The following INVS variants were observed in gnomAD, a reference collection of about 807,000 sequenced individuals.
The protein encoded by INVS is inversion of embryo turning homolog.
Under a neutral mutation model 108.8 loss-of-function variants are expected in INVS, and 86 were observed. The ratio of observed to expected loss-of-function variants is 0.79; its 90% CI spans 0.66 to 0.95. The LOEUF (loss-of-function observed/expected upper bound fraction) is 0.95, where lower values mean the gene tolerates loss of function less well. Ranked by LOEUF, INVS falls within the 40% of genes least tolerant of loss-of-function variation. INVS has a pLI of 0.00. For missense variants in INVS, 1,169 were observed against 1,297.4 expected (o/e 0.90, Z 1.52); for synonymous variants, 455 against 473.5 (o/e 0.96, Z 0.51).
chr9:100,126,807 A>T (rs1446986669), intron 3 of INVS, among the ~76,000 whole-genome samples: 3 of 152,212 alleles, frequency 2.0e-5, no homozygotes, highest in Non-Finnish European at 4.4e-5. Flanking sequence ...GATCAAATTT[A>T]TATATACAAT....
At chr9:100,219,912 T>C (rs572616241) in intron 3 of INVS, among the ~76,000 whole-genome samples, 1 of 151,750 alleles carries the variant, frequency 6.6e-6, no homozygotes, top group South Asian at 2.1e-4. Flanking sequence ...TTGTATGAAA[T>C]AGAAGCATAA....
chr9:100,253,646 T>C (rs187497284), intron 10 of INVS, among the ~76,000 whole-genome samples: 396 of 152,226 alleles, frequency 2.6e-3, no homozygotes, highest in African/African-American at 9.1e-3. Context: ...TTCTCACCTA[T>C]GAGTGAGAAC....
intron 9 of INVS, 26 bp from the exon 10 acceptor site, chr9:100,252,881 T>C: frequency 2.7e-6 from 4 of 1,504,098 alleles, no homozygotes; most frequent in African/African-American, 1.4e-5. Flanking sequence ...ATATTAGACA[T>C]TCTCATTATA....
chr9:100,238,301 C>T (rs1425445961), intron 5 of INVS, among the ~76,000 whole-genome samples: 1 of 152,014 alleles, frequency 6.6e-6, no homozygotes, highest in African/African-American at 2.4e-5. Context: ...TACTTTCTGC[C>T]TTTTATTATT....
At chr9:100,189,414 C>T (rs772390938) in intron 3 of INVS, among the ~76,000 whole-genome samples, 2 of 150,816 alleles carry the variant, frequency 1.3e-5, no homozygotes, top group African/African-American at 4.9e-5. Context: ...TGCTGTATCT[C>T]GGAGGCTTTA....
Position 100,114,143 on chromosome 9 carries a change from G to A in INVS, c.106+9516G>A, listed in dbSNP as rs546377914. ...AATACAGTAAATTTCACCCTTGTTC[G>A]TATACAGTTATTTAATTTTGAGAAA... On this transcript the variant is annotated intron_variant, in intron 2 of 16. Coordinates refer to ENST00000262457, the MANE Select transcript of INVS (RefSeq NM_014425.5). Among the ~76,000 whole-genome samples, 3 of 152,058 alleles carry A rather than the reference G, an allele frequency of 2.0e-5. No homozygotes were observed. In the East Asian group the frequency reaches 5.8e-4, roughly 29 times the overall value.
chr9:100,156,955 C>CACACAT (rs1554718182), intron 3 of INVS, among the ~76,000 whole-genome samples: 6 of 141,376 alleles, frequency 4.2e-5, no homozygotes, highest in South Asian at 2.1e-4. Context: ...CACACACACA[C>CACACAT]ATATATATAT....
intron 14 of INVS, among the ~76,000 whole-genome samples, chr9:100,294,344 A>G (rs1034926542): frequency 2.0e-5 from 3 of 152,142 alleles, no homozygotes; most frequent in Non-Finnish European, 2.9e-5. Context: ...AACTAGATAG[A>G]TTCCCAGGAG....
At chr9:100,111,435 C>G (rs763419982) in intron 2 of INVS, among the ~76,000 whole-genome samples, 38 of 152,346 alleles carry the variant, frequency 2.5e-4, no homozygotes, top group Non-Finnish European at 3.5e-4. Context: ...GCTTTCCAGT[C>G]ATGCTTCCAG....
At chr9:100,208,849 T>C (rs1042506124) in intron 3 of INVS, among the ~76,000 whole-genome samples, 1 of 152,220 alleles carries the variant, frequency 6.6e-6, no homozygotes, top group African/African-American at 2.4e-5. Flanking sequence ...ATGAAAGCTG[T>C]TTTGTTTACA....
intron 3 of INVS, among the ~76,000 whole-genome samples, chr9:100,187,873 C>A (rs1588074030): frequency 6.6e-6 from 1 of 152,096 alleles, no homozygotes; most frequent in Admixed American, 6.6e-5. Flanking sequence ...AGAGATCTTT[C>A]ATCTTTCTGG....
intron 3 of INVS, among the ~76,000 whole-genome samples, chr9:100,137,402 A>G (rs1175464797): frequency 6.6e-6 from 1 of 152,190 alleles, no homozygotes; most frequent in African/African-American, 2.4e-5. Flanking sequence ...TGAGAAAGCT[A>G]GTGTTTAATG....
intron 10 of INVS, among the ~76,000 whole-genome samples, chr9:100,260,062 G>T (rs1049797699): frequency 6.6e-6 from 1 of 150,978 alleles, no homozygotes; most frequent in African/African-American, 2.4e-5. Context: ...AGTAGAGATG[G>T]GGTTTCACCA....
chr9:100,196,140 G>A lies in INVS; in HGVS notation c.274-29922G>A, dbSNP rs569948624. ...GCTGGAGTTTTTTCTTTTCGATTTG[G>A]TAGGAAGGTGTTTTGGCAACAAACC... is the stretch of plus-strand genomic sequence containing the variant. On this transcript the variant is annotated intron_variant, in intron 3 of 16. Transcript: ENST00000262457. Among the ~76,000 whole-genome samples, 9 of 152,218 alleles carry A rather than the reference G, an allele frequency of 5.9e-5. No homozygotes were observed. The South Asian group carries it at 1.9e-3, about 32-fold the overall frequency.
chr9:100,105,690 C>T (rs930804118), intron 2 of INVS, among the ~76,000 whole-genome samples: 1 of 152,076 alleles, frequency 6.6e-6, no homozygotes, highest in African/African-American at 2.4e-5. Flanking sequence ...ACTTTCAGCT[C>T]ACTTACTGAT....
intron 2 of INVS, among the ~76,000 whole-genome samples, chr9:100,125,329 T>C (rs1827848898): frequency 6.6e-6 from 1 of 152,216 alleles, no homozygotes; most frequent in Admixed American, 6.5e-5. Context: ...GAGTAGAGCA[T>C]AGTCAAATGG....
chr9:100,152,523 A>G (rs533637177), intron 3 of INVS, among the ~76,000 whole-genome samples: 1 of 152,188 alleles, frequency 6.6e-6, no homozygotes, highest in Non-Finnish European at 1.5e-5. Context: ...GTCAGTATTA[A>G]CTCAGCCTCT....
intron 3 of INVS, among the ~76,000 whole-genome samples, chr9:100,166,042 G>T (rs1053674618): frequency 3.3e-5 from 5 of 151,908 alleles, no homozygotes; most frequent in African/African-American, 9.7e-5. Flanking sequence ...CTAATTCTGG[G>T]CTAAAAGGTT....
intron 14 of INVS, among the ~76,000 whole-genome samples, chr9:100,294,872 ATG>A (rs1173005020): frequency 6.6e-6 from 1 of 152,192 alleles, no homozygotes; most frequent in African/African-American, 2.4e-5. Flanking sequence ...TTACCTGTGC[ATG>A]TAATCGTCAC....
Sources: gnomAD v4.1 joint callset for allele counts (sites outside exome capture counted in the v4.1 genomes callset) on GRCh38, gnomAD v4.1.1 for gene constraint, MANE v1.5 for transcripts, NCBI Gene and HGNC (gene_info 2026-07-23, HGNC 2026-07-21) for gene names.